The following FRMD4A variants were observed in gnomAD, a reference collection of about 807,000 sequenced individuals.
FRMD4A encodes the protein FERM domain-containing protein 4A.
A neutral mutation model predicts 129.1 loss-of-function variants in FRMD4A; 29 were observed. The ratio of observed to expected loss-of-function variants is 0.22; its 90% CI spans 0.17 to 0.31. The LOEUF (loss-of-function observed/expected upper bound fraction) is 0.31. Among genes scored for constraint, FRMD4A ranks in the 10% least tolerant of loss-of-function variants. FRMD4A has a pLI of 1.00. For missense variants in FRMD4A, 1,272 were observed against 1,375.8 expected (o/e 0.92, Z 1.19); for synonymous variants, 634 against 571.6 (o/e 1.11, Z -1.56).
chr10:13,832,132 G>A (rs1006815473), intron 3 of FRMD4A, among the ~76,000 whole-genome samples: 1 of 151,452 alleles, frequency 6.6e-6, no homozygotes, highest in African/African-American at 2.4e-5. Flanking sequence ...ATTACACCAA[G>A]AGAACCGAGT....
chr10:13,868,131 C>T (rs906867889), intron 2 of FRMD4A, among the ~76,000 whole-genome samples: 1 of 150,954 alleles, frequency 6.6e-6, no homozygotes, highest in African/African-American at 2.4e-5. Context: ...TCACTTATAC[C>T]AGGGAAATAA....
chr10:14,291,414 G>T (rs937545150), intron 2 of FRMD4A, among the ~76,000 whole-genome samples: 1 of 152,054 alleles, frequency 6.6e-6, no homozygotes, highest in Non-Finnish European at 1.5e-5. Flanking sequence ...CTGACCCAGG[G>T]TCCAGATCTT....
intron 14 of FRMD4A, among the ~76,000 whole-genome samples, chr10:13,698,886 C>G (rs2086500103): frequency 6.6e-6 from 1 of 152,152 alleles, no homozygotes; most frequent in Non-Finnish European, 1.5e-5. Context: ...GTGAGCATGC[C>G]AGGCTTCCTG....
Position 13,645,273 on chromosome 10 carries a change from C to T in FRMD4A, c.*1765G>A, listed in dbSNP as rs1589162385. 6.6e-6 allele frequency: 1 copy of T among 152,094 alleles called. No individual in the cohort carries two copies. The highest frequency in any genetic ancestry group is 1.5e-5 in the Non-Finnish European group (1 of 68,050). 9.4% of individuals were successfully genotyped at this position (152,094 alleles called of 1,614,324 possible). Reference sequence around the variant, plus strand: ...TAAGCTAACTTCAGTTCTGCTTTCCCACAAAACTACCCCCACCCTGGCTCC... The same window carrying T: ...TAAGCTAACTTCAGTTCTGCTTTCCTACAAAACTACCCCCACCCTGGCTCC... On this transcript the variant is annotated 3_prime_UTR_variant, in exon 25 of 25. Coordinates refer to ENST00000357447, the MANE Select transcript of FRMD4A (RefSeq NM_018027.5).
At chr10:14,207,445 G>C (rs958609820) in intron 2 of FRMD4A, among the ~76,000 whole-genome samples, 6 of 152,050 alleles carry the variant, frequency 3.9e-5, no homozygotes, top group Non-Finnish European at 8.8e-5. Context: ...TCATGGACTG[G>C]AACCAGTCCA....
intron 2 of FRMD4A, among the ~76,000 whole-genome samples, chr10:13,889,779 A>T (rs1473071488): frequency 6.6e-6 from 1 of 152,176 alleles, no homozygotes; most frequent in Non-Finnish European, 1.5e-5. Flanking sequence ...TTCTCCCTAA[A>T]ACATTACTTC....
intron 2 of FRMD4A, among the ~76,000 whole-genome samples, chr10:14,215,860 C>T (rs562057038): frequency 6.6e-6 from 1 of 152,290 alleles, no homozygotes; most frequent in South Asian, 2.1e-4. Flanking sequence ...ATGGGAGTCT[C>T]AGTTGCTACT....
At chr10:14,287,482 T>C (rs900340999) in intron 2 of FRMD4A, among the ~76,000 whole-genome samples, 1 of 152,178 alleles carries the variant, frequency 6.6e-6, no homozygotes, top group Non-Finnish European at 1.5e-5. Flanking sequence ...GTATTTTCTC[T>C]GAGCCACATA....
intron 2 of FRMD4A, among the ~76,000 whole-genome samples, chr10:14,179,800 G>A (rs1443352214): frequency 6.6e-6 from 1 of 152,210 alleles, no homozygotes; most frequent in African/African-American, 2.4e-5. Flanking sequence ...TTGGGAGGCC[G>A]AGGCAGGCAG....
chr10:14,267,138 G>C (rs921112237), intron 2 of FRMD4A, among the ~76,000 whole-genome samples: 1 of 152,202 alleles, frequency 6.6e-6, no homozygotes, highest in Non-Finnish European at 1.5e-5. Context: ...AGAGTCTATG[G>C]CTGAAGAGAA....
intron 4 of FRMD4A, among the ~76,000 whole-genome samples, chr10:13,802,398 C>A (rs534131386): frequency 6.6e-6 from 1 of 152,180 alleles, no homozygotes; most frequent in Admixed American, 6.5e-5. Flanking sequence ...TGTAGACAGG[C>A]AATTTCATAT....
intron 3 of FRMD4A, among the ~76,000 whole-genome samples, chr10:13,819,096 C>A (rs2093590615): frequency 6.6e-6 from 1 of 151,922 alleles, no homozygotes; most frequent in South Asian, 2.1e-4. Flanking sequence ...CCACTACCCT[C>A]CAGCCTGGGT....
intron 12 of FRMD4A, among the ~76,000 whole-genome samples, chr10:13,731,983 G>C (rs1278806768): frequency 1.3e-5 from 2 of 152,138 alleles, no homozygotes; most frequent in African/African-American, 4.8e-5. Flanking sequence ...TACCCTGCAG[G>C]CAATGAAGCT....
At chr10:14,137,492 T>C (rs1212755121) in intron 2 of FRMD4A, among the ~76,000 whole-genome samples, 1 of 152,248 alleles carries the variant, frequency 6.6e-6, no homozygotes, top group Non-Finnish European at 1.5e-5. Context: ...TTTTGCCTTC[T>C]GACTTGAATG....
intron 14 of FRMD4A, among the ~76,000 whole-genome samples, chr10:13,695,342 T>C (rs1002161288): frequency 6.6e-6 from 1 of 152,090 alleles, no homozygotes; most frequent in African/African-American, 2.4e-5. Flanking sequence ...GGTTTTGCCA[T>C]GTTGGCCAGG....
chr10:14,246,578 C>T (rs973489029), intron 2 of FRMD4A, among the ~76,000 whole-genome samples: 1 of 152,152 alleles, frequency 6.6e-6, no homozygotes, highest in Non-Finnish European at 1.5e-5. Flanking sequence ...TATGTACACA[C>T]ATGCATGCTC....
chr10:13,857,199 T>C (rs973218637), intron 3 of FRMD4A, among the ~76,000 whole-genome samples: 1 of 151,838 alleles, frequency 6.6e-6, no homozygotes, highest in African/African-American at 2.4e-5. Flanking sequence ...GTGGTAAAAT[T>C]TTTTTTTTTA....
intron 2 of FRMD4A, among the ~76,000 whole-genome samples, chr10:13,922,654 C>T (rs2095086436): frequency 6.6e-6 from 1 of 152,168 alleles, no homozygotes; most frequent in African/African-American, 2.4e-5. Context: ...ATTCTAATGA[C>T]AAGATCATAC....
chr10:13,938,144 C>T lies in FRMD4A; in HGVS notation c.46-79232G>A, dbSNP rs188561003. 1.5e-3 allele frequency among the ~76,000 whole-genome samples: 235 copies of T among 152,280 alleles called. 1 individual carries two copies. The highest frequency in any genetic ancestry group is 0.015 in the Admixed American group (226 of 15,288). On this transcript the variant is annotated intron_variant, in intron 2 of 24. Coordinates refer to ENST00000357447, the MANE Select transcript of FRMD4A (RefSeq NM_018027.5). ...TAAAGACCTTCAAATAATAGAATAG[C>T]ATTGAATGCATTTCATTATTAAGCA...
Sources: gnomAD v4.1 joint callset for allele counts (sites outside exome capture counted in the v4.1 genomes callset) on GRCh38, gnomAD v4.1.1 for gene constraint, MANE v1.5 for transcripts, NCBI Gene and HGNC (gene_info 2026-07-23, HGNC 2026-07-21) for gene names.